IRS1: variants seen among roughly 807,000 people sequenced by gnomAD.
IRS1 encodes insulin receptor substrate 1.
Under a neutral mutation model 65.6 loss-of-function variants are expected in IRS1, and 34 were observed. The observed-to-expected ratio is 0.52, with a 90% CI of 0.39 to 0.69. The LOEUF (loss-of-function observed/expected upper bound fraction) is 0.69. Ranked by LOEUF, IRS1 falls within the 30% of genes least tolerant of loss-of-function variation. IRS1 has a pLI of 0.00. For missense variants in IRS1, 1,641 were observed against 1,720.2 expected, an observed-to-expected ratio of 0.95 and a Z score of 0.81; for synonymous variants, 699 against 683.5, an observed-to-expected ratio of 1.02 and a Z score of -0.35.
At chr2:226,762,357 C>CAAAAAAAAAAAAAAAAAA (rs67318812) in intron 1 of IRS1, among the ~76,000 whole-genome samples, 2 of 119,838 alleles carry the variant, frequency 1.7e-5, no homozygotes, top group Non-Finnish European at 1.7e-5. Context: ...CATAAAAATG[C>CAAAAAAAAAAAAAAAAAA]AAAAAAAAAA....
intron 1 of IRS1, among the ~76,000 whole-genome samples, chr2:226,774,153 G>C (rs181394252): frequency 2.6e-5 from 4 of 152,246 alleles, no homozygotes; most frequent in East Asian, 3.9e-4. Flanking sequence ...TTGATTCCCC[G>C]AGACTTGAGA....
chr2:226,737,721 C>A (rs1243379087), intron 1 of IRS1, among the ~76,000 whole-genome samples: 2 of 152,124 alleles, frequency 1.3e-5, no homozygotes, highest in Non-Finnish European at 2.9e-5. Flanking sequence ...AGAATCCTCC[C>A]AGCTAGGGGT....
chr2:226,742,725 AAAG>A (rs1938463763), intron 1 of IRS1, among the ~76,000 whole-genome samples: 1 of 151,962 alleles, frequency 6.6e-6, no homozygotes, highest in African/African-American at 2.4e-5. Flanking sequence ...AAAAAAAAAA[AAAG>A]AAGACCGAAA....
chr2:226,782,644 C>G (rs1366757), intron 1 of IRS1, among the ~76,000 whole-genome samples: 22,162 of 152,134 alleles, frequency 0.15, 2,133 homozygotes, highest in South Asian at 0.27. Context: ...CCTGGCTCTG[C>G]GTTCCCTTCC....
chr2:226,751,770 C>T (rs1376377424), intron 1 of IRS1, among the ~76,000 whole-genome samples: 1 of 152,082 alleles, frequency 6.6e-6, no homozygotes, highest in Non-Finnish European at 1.5e-5. Context: ...TGAGGTAGGG[C>T]CACGTACGTT....
intron 1 of IRS1, among the ~76,000 whole-genome samples, chr2:226,766,975 T>C (rs968295963): frequency 4.6e-5 from 7 of 152,040 alleles, no homozygotes; most frequent in Non-Finnish European, 8.8e-5. Context: ...CATTAAAAGT[T>C]TACTCAGCCA....
At chr2:226,790,649 C>T (rs1939571968) in intron 1 of IRS1, among the ~76,000 whole-genome samples, 1 of 152,140 alleles carries the variant, frequency 6.6e-6, no homozygotes, top group Non-Finnish European at 1.5e-5. Context: ...AAAAGCGCTG[C>T]CCTGGGATCT....
chr2:226,797,779 C>T lies in IRS1; in HGVS notation c.960G>A (p.Lys320=), dbSNP rs773051389. The change falls in exon 1 of 2, where the codon AAG becomes AAA. Residue 320 remains lysine, a synonymous_variant. Transcript: ENST00000305123. This position sits in a 1 kb window ranked among gnomAD's most constrained non-coding sequence, Gnocchi z 8.1. ...AGGCGCGGACACGGAAGGAGCCTGG[C>T]TTCCCGCCCACCATGCTGGCCGGGG... ...ATSPASMVGG[K]PGSFRVRASS... 6 of 1,594,852 alleles carry T rather than the reference C, an allele frequency of 3.8e-6. No individual in the cohort carries two copies. Among genetic ancestry groups the T allele is most frequent in the Non-Finnish European group, 5.1e-6 (6 of 1,173,394 alleles).
intron 1 of IRS1, among the ~76,000 whole-genome samples, chr2:226,793,414 T>C (rs6754575): frequency 0.13 from 19,398 of 152,252 alleles, 2,529 homozygotes; most frequent in African/African-American, 0.33. Flanking sequence ...GTACTACTGA[T>C]GTTGATATAC....
At chr2:226,786,330 C>T (rs374415413) in intron 1 of IRS1, among the ~76,000 whole-genome samples, 23 of 152,034 alleles carry the variant, frequency 1.5e-4, no homozygotes, top group Admixed American at 8.5e-4. Flanking sequence ...TGAAAAGAGA[C>T]GTGGAAAGTA....
intron 1 of IRS1, among the ~76,000 whole-genome samples, chr2:226,772,612 C>T (rs1449837643): frequency 6.7e-6 from 1 of 149,610 alleles, no homozygotes; most frequent in East Asian, 2.0e-4. Flanking sequence ...CAGGAAATGA[C>T]AGGACCTTAT....
At chr2:226,783,667 A>G (rs928741255) in intron 1 of IRS1, among the ~76,000 whole-genome samples, 3 of 152,220 alleles carry the variant, frequency 2.0e-5, no homozygotes, top group African/African-American at 7.2e-5. Context: ...AATGTTCAAC[A>G]TGCAGTTGAT....
At position 226,795,367 on chromosome 2, in the gene IRS1, T is replaced by C. The variant is rs758373069; in HGVS notation, c.3372A>G (p.Ala1124=). 10 of 1,613,118 alleles carry C rather than the reference T, an allele frequency of 6.2e-6. 1 individual carries two copies. In the South Asian group the frequency reaches 9.9e-5, roughly 16 times the overall value. ...GNTVPFGAGA[A]VGGGGGSSSS... The stretch of plus-strand genomic sequence containing the variant: ...TGCTGCTACCGCCACCGCCCCCTAC[T>C]GCTGCCCCCGCTCCAAAGGGCACTG... Residue 1124 remains alanine, a synonymous_variant, in exon 1 of 2, where the codon GCA becomes GCG. Transcript: ENST00000305123.
chr2:226,757,089 G>A (rs1235797347), intron 1 of IRS1, among the ~76,000 whole-genome samples: 2 of 152,242 alleles, frequency 1.3e-5, no homozygotes, highest in Non-Finnish European at 2.9e-5. Flanking sequence ...ATGACAAAGT[G>A]CGTGTGTAAG....
At chr2:226,754,366 G>A (rs753473785) in intron 1 of IRS1, among the ~76,000 whole-genome samples, 3 of 152,128 alleles carry the variant, frequency 2.0e-5, no homozygotes, top group Non-Finnish European at 4.4e-5. Flanking sequence ...CACATACACA[G>A]TAATTTAGAA....
chr2:226,745,535 C>T (rs1390519322), intron 1 of IRS1, among the ~76,000 whole-genome samples: 1 of 152,160 alleles, frequency 6.6e-6, no homozygotes, highest in Non-Finnish European at 1.5e-5. Context: ...GTGTTCTTTT[C>T]TCTGTGATTT....
intron 1 of IRS1, among the ~76,000 whole-genome samples, chr2:226,790,029 T>A (rs1056006892): frequency 2.6e-5 from 4 of 152,238 alleles, no homozygotes; most frequent in African/African-American, 9.6e-5. Context: ...TGCTTTATCA[T>A]GACCCTGTCA....
In IRS1 at chr2:226,797,710, G is replaced by A; in HGVS notation, c.1029C>T (p.Asp343=). The change falls in exon 1 of 2, where the codon GAC becomes GAT. Residue 343 remains aspartate, a synonymous_variant. Coordinates refer to ENST00000305123, the MANE Select transcript of IRS1 (RefSeq NM_005544.3). This position sits in a 1 kb window ranked among gnomAD's most constrained non-coding sequence, Gnocchi z 8.1. The part of the protein sequence containing the change: ...EGTMSRPASV[D]GSPVSPSTNR... ...TGGTGCTGGGACTCACAGGGCTGCC[G>A]TCCACCGAGGCTGGGCGGGACATGG... The A allele has an allele frequency of 1.3e-6, 2 of 1,597,824 alleles. No individual in the cohort carries two copies. Among genetic ancestry groups the A allele is most frequent in the South Asian group, 1.1e-5 (1 of 90,754 alleles).
rs1379631379 is a variant in IRS1 at position 226,798,725 on chromosome 2, G to C, written c.14C>G (p.Pro5Arg). The change falls in exon 1 of 2, where the codon CCG (proline) becomes CGG (arginine). Residue 5 changes from proline to arginine, a missense_variant. This residue lies in a region of IRS1 where 240 missense variants were observed against 229.6 expected (regional missense o/e 1.05). Transcript: ENST00000305123. This position sits in a 1 kb window ranked among gnomAD's most constrained non-coding sequence, Gnocchi z 9.4. ...CACGTCCGAGAAGCCATCGCTCTCC[G>C]GAGGGCTCGCCATGCTGCCACCGCC... MASP[P>R]ESDGFSDVRK... The C allele has an allele frequency of 3.7e-6, 6 of 1,611,816 alleles. No individual in the cohort carries two copies. The highest frequency in any genetic ancestry group is 1.7e-4 in the Middle Eastern group (1 of 6,018).
Sources: gnomAD v4.1 joint callset for allele counts (sites outside exome capture counted in the v4.1 genomes callset) on GRCh38, gnomAD v4.1.1 for gene constraint, gnomAD v4.1.1 regional missense constraint, Gnocchi (gnomAD v3.1) non-coding constraint, MANE v1.5 for transcripts, NCBI Gene and HGNC (gene_info 2026-07-23, HGNC 2026-07-21) for gene names.